The following TTN variants were observed in gnomAD, a reference collection of about 807,000 sequenced individuals.
TTN encodes titin.
In TTN, 1,525 loss-of-function variants were observed where a neutral mutation model predicts 3,223.0. The ratio of observed to expected loss-of-function variants is 0.47; its 90% confidence interval spans 0.45 to 0.49. The LOEUF (loss-of-function observed/expected upper bound fraction) is 0.49, where lower values mean the gene tolerates loss of function less well. TTN is among the 20% of genes least tolerant of loss of function. The pLI, the probability that TTN is intolerant of heterozygous loss-of-function variation, is 0.00. For missense variants in TTN, 40,786 were observed against 43,424.0 expected (o/e 0.94, Z 5.40); for synonymous variants, 14,094 against 15,161.0 (o/e 0.93, Z 5.17).
rs766605515 is a variant in TTN at position 178,757,713 on chromosome 2, G to A, written c.10507C>T (p.Gln3503Ter). The change falls in exon 45 of 363, where the codon CAG becomes TAG. Residue 3503 changes from glutamine to a stop codon, truncating the protein, a stop_gained. Coordinates refer to ENST00000589042, the MANE Select transcript of TTN (RefSeq NM_001267550.2). LOFTEE classifies it high-confidence loss of function. ...ACATCTTTTGTTGGTAGAATTAGCT[G>A]CTGGTTATGAAACCATTGGATTTCT... ...KPEIQWFHNQ[Q>*]LILPTKDVVF... 6.2e-7 allele frequency: 1 copy of A among 1,613,820 alleles called. No homozygotes were observed. The highest frequency in any genetic ancestry group is 1.1e-5 in the South Asian group (1 of 91,074).
chr2:178,766,372 C>T lies in TTN; in HGVS notation c.9703+9G>A. On this transcript the variant is annotated intron_variant, in intron 41 of 362. Transcript: ENST00000589042. ...TCCACAAAATATGCTGAAATCTGTCCCTACATACCATTGACATAGAGAGTG... is the reference window on the plus strand; with the variant it reads ...TCCACAAAATATGCTGAAATCTGTCTCTACATACCATTGACATAGAGAGTG... The T allele has an allele frequency of 6.3e-7, 1 of 1,582,454 alleles. No homozygotes were observed.
Position 178,725,956 on chromosome 2 carries a change from G to A in TTN, c.20366C>T (p.Pro6789Leu), listed in dbSNP as rs1480351925. ...GTCTTTGTACCATACCACCTCAAACGGTGGTGTTCCCGAAAGTTCACATTC... is the reference window on the plus strand; with the variant it reads ...GTCTTTGTACCATACCACCTCAAACAGTGGTGTTCCCGAAAGTTCACATTC... ...SLECELSGTP[P>L]FEVVWYKDKR... The change falls in exon 70 of 363, where the codon CCG becomes CTG. Residue 6789 changes from proline to leucine, a missense_variant. Physicochemically the swap from Pro to Leu is moderately conservative, Grantham distance 98. Transcript: ENST00000589042. The A allele has an allele frequency of 9.3e-6, 15 of 1,612,142 alleles. No homozygotes were observed. The highest frequency in any genetic ancestry group is 1.3e-5 in the Non-Finnish European group (15 of 1,178,972).
chr2:178,678,801 C>G lies in TTN; in HGVS notation c.33772G>C (p.Glu11258Gln). Reference protein sequence around the residue: ...VPEVPKKPVPEEKVPVPVPKK... With the variant: ...VPEVPKKPVPQEKVPVPVPKK... The stretch of plus-strand genomic sequence containing the variant: ...GGAACTGGTACTGGTACTTTCTCCT[C>G]TGGCACAGGTTTCTTGGGCACTTCA... Residue 11258 changes from glutamate (E) to glutamine (Q), a missense_variant, in exon 143 of 363, where the codon GAG becomes CAG. Coordinates refer to ENST00000589042, the MANE Select transcript of TTN (RefSeq NM_001267550.2). 1 of 1,603,574 alleles carries G rather than the reference C, an allele frequency of 6.2e-7. No homozygotes were observed. Among genetic ancestry groups the G allele is most frequent in the Non-Finnish European group, 8.5e-7 (1 of 1,176,486 alleles).
chr2:178,619,760 A>C lies in TTN; in HGVS notation c.46557T>G (p.Val15519=), dbSNP rs727503626. 8 of 1,612,428 alleles carry C rather than the reference A, an allele frequency of 5.0e-6. No individual in the cohort carries two copies. Among genetic ancestry groups the C allele is most frequent in the Non-Finnish European group, 6.8e-6 (8 of 1,178,918 alleles). Residue 15519 remains valine (V), a synonymous_variant, in exon 250 of 363, where the codon GTT becomes GTG. Coordinates refer to ENST00000589042, the MANE Select transcript of TTN (RefSeq NM_001267550.2). The stretch of plus-strand genomic sequence containing the variant: ...TCATCTGGTGTTTATCACCCTGGAC[A>C]ACAACCATGTTATTTCTTAGCCATT... The part of the protein sequence containing the change: ...EVQWLRNNMV[V]VQGDKHQMMS...
intron 199 of TTN, 35 bp downstream of exon 199, chr2:178,653,006 T>A: frequency 6.2e-7 from 1 of 1,609,216 alleles, no homozygotes; most frequent in Admixed American, 1.7e-5. Flanking sequence ...AATGAAGAGT[T>A]CAGTCTTCTG....
chr2:178,620,128 G>C lies in TTN; in HGVS notation c.46305-16C>G, dbSNP rs769993782. 3 of 1,604,184 alleles carry C rather than the reference G, an allele frequency of 1.9e-6. No individual in the cohort carries two copies. In the African/African-American group the frequency reaches 4.0e-5, roughly 22 times the overall value. On this transcript the variant is annotated splice_polypyrimidine_tract_variant and intron_variant, in intron 248 of 362. Coordinates refer to ENST00000589042, the MANE Select transcript of TTN (RefSeq NM_001267550.2). The stretch of plus-strand genomic sequence containing the variant: ...AAATTTGTATCTAAAGGAGACATTG[G>C]ATTATCAGTTAGCTTGCAATGATGG...
chr2:178,734,430 G>A lies in TTN; in HGVS notation c.15394C>T (p.Leu5132=). The change falls in exon 52 of 363, where the codon CTG becomes TTG. Residue 5132 remains leucine (L), a synonymous_variant. Coordinates refer to ENST00000589042, the MANE Select transcript of TTN (RefSeq NM_001267550.2). The part of the protein sequence containing the change: ...RLFSQKSLVC[L]EIFSFNSADV... ...GCACTATTAAACGAAAAGATCTCCAGACACACAAGAGACTTCTGAGAAAAC... is the reference window on the plus strand; with the variant it reads ...GCACTATTAAACGAAAAGATCTCCAAACACACAAGAGACTTCTGAGAAAAC... The A allele has an allele frequency of 6.2e-7, 1 of 1,613,702 alleles. No homozygotes were observed. The highest frequency in any genetic ancestry group is 8.5e-7 in the Non-Finnish European group (1 of 1,179,746).
In TTN at chr2:178,533,945, G is replaced by A. The variant is rs775156032; in HGVS notation, c.102670C>T (p.Leu34224=). The change falls in exon 358 of 363, where the codon CTA becomes TTA. Residue 34224 remains leucine, a synonymous_variant. Coordinates refer to ENST00000589042, the MANE Select transcript of TTN (RefSeq NM_001267550.2). ...ACTTCTCTCACACCTTTAACAAATA[G>A]CTCTGCATAAGAACTGTCTTCACCA... ...DYGEDSSYAE[L]FVKGVREVYD... 1.9e-6 allele frequency: 3 copies of A among 1,613,694 alleles called. No individual in the cohort carries two copies. The highest frequency in any genetic ancestry group is 2.5e-6 in the Non-Finnish European group (3 of 1,179,846).
At position 178,684,956 on chromosome 2, in the gene TTN, T is replaced by C. The variant is rs745736521; in HGVS notation, c.32504A>G (p.Lys10835Arg). The change falls in exon 130 of 363, where the codon AAG (lysine) becomes AGG (arginine). Residue 10835 changes from lysine to arginine, a missense_variant. Coordinates refer to ENST00000589042, the MANE Select transcript of TTN (RefSeq NM_001267550.2). ...TTTAGGAACTGGAGCAGGAACTTTC[T>C]TTTCTGGCACAATTTTCTTAGGTGC... ...PEAPKKIVPE[K>R]KVPAPVPKKE... 3 of 1,608,778 alleles carry C rather than the reference T, an allele frequency of 1.9e-6. No homozygotes were observed. The highest frequency in any genetic ancestry group is 1.7e-5 in the Admixed American group (1 of 59,446).
chr2:178,739,148 T>C lies in TTN; in HGVS notation c.14085A>G (p.Val4695=), dbSNP rs965023092. 5 of 1,509,382 alleles carry C rather than the reference T, an allele frequency of 3.3e-6. No homozygotes were observed. The highest frequency in any genetic ancestry group is 3.5e-6 in the Non-Finnish European group (4 of 1,130,780). 93.5% of individuals were successfully genotyped at this position (1,509,382 alleles called of 1,614,324 possible). Residue 4695 remains valine, a synonymous_variant, in exon 48 of 363, where the codon GTA becomes GTG. Transcript: ENST00000589042. ...TTATCCTTAAAATCCAACCTCTTTT[T>C]ACTACAGTGAGTTTGGCTGAAGTTG... ...KTATSAKLTV[V]KRAAPVIKRK... is the part of the protein sequence containing the mutation.
chr2:178,804,632 T>G lies in TTN; in HGVS notation c.11A>C (p.Gln4Pro), dbSNP rs1203552331. Reference sequence around the variant, plus strand: ...TAACGGCTGCGTAAACGTCGGTGCTTGAGTTGTCATCTTTCTAGGCACTCT... The same window carrying G: ...TAACGGCTGCGTAAACGTCGGTGCTGGAGTTGTCATCTTTCTAGGCACTCT... Reference protein sequence around the residue: MTTQAPTFTQPLQS... With the variant: MTTPAPTFTQPLQS... Residue 4 changes from glutamine to proline, a missense_variant, in exon 2 of 363, where the codon CAA becomes CCA. By Grantham distance (76) the Gln-to-Pro change is moderately conservative (BLOSUM62 -1). Transcript: ENST00000589042. 1.9e-6 allele frequency: 3 copies of G among 1,613,828 alleles called. No homozygotes were observed. Among genetic ancestry groups the G allele is most frequent in the Non-Finnish European group, 1.7e-6 (2 of 1,179,874 alleles).
Position 178,565,294 on chromosome 2 carries a change from G to A in TTN, c.80838C>T (p.Asp26946=). 7 of 1,613,616 alleles carry A rather than the reference G, an allele frequency of 4.3e-6. No homozygotes were observed. Among genetic ancestry groups the A allele is most frequent in the Non-Finnish European group, 5.9e-6 (7 of 1,179,672 alleles). The part of the protein sequence containing the change: ...VLHIKEGNKD[D]FGKYTVTATN... ...TTGCCGTTACGGTGTATTTTCCAAA[G>A]TCATCTTTGTTACCTTCTTTAATGT... The change falls in exon 326 of 363, where the codon GAC becomes GAT. Residue 26946 remains aspartate, a synonymous_variant. Coordinates refer to ENST00000589042, the MANE Select transcript of TTN (RefSeq NM_001267550.2).
Position 178,689,387 on chromosome 2 carries a change from AT to A in TTN, c.31928-15del, listed in dbSNP as rs2071746268. ...GTATTTCTGGCACTTAAAGGATAGTATTGAATTTTAAAATTTGTCAAAAAGG... is the reference window on the plus strand; with the variant it reads ...GTATTTCTGGCACTTAAAGGATAGTATGAATTTTAAAATTTGTCAAAAAGG... On this transcript the variant is annotated splice_polypyrimidine_tract_variant and intron_variant, in intron 123 of 362. Coordinates refer to ENST00000589042, the MANE Select transcript of TTN (RefSeq NM_001267550.2). 6.2e-7 allele frequency: 1 copy of A among 1,613,260 alleles called. No individual in the cohort carries two copies. The highest frequency in any genetic ancestry group is 8.5e-7 in the Non-Finnish European group (1 of 1,179,618).
intron 13 of TTN, among the ~76,000 whole-genome samples, chr2:178,788,359 A>G (rs1342591535): frequency 6.6e-6 from 1 of 152,092 alleles, no homozygotes. Flanking sequence ...TCAATTCATG[A>G]CAAAATTTGA....
At chr2:178,626,023 T>C (rs2058990416) in intron 240 of TTN, among the ~76,000 whole-genome samples, 2 of 151,960 alleles carry the variant, frequency 1.3e-5, no homozygotes, top group South Asian at 4.1e-4. Context: ...TGTGTATATA[T>C]ATGTGTGCCC....
chr2:178,566,700 A>C lies in TTN; in HGVS notation c.79432T>G (p.Tyr26478Asp), dbSNP rs768735283. Residue 26478 changes from tyrosine to aspartate, a missense_variant, in exon 326 of 363, where the codon TAT becomes GAT. Coordinates refer to ENST00000589042, the MANE Select transcript of TTN (RefSeq NM_001267550.2). ...GVGEPSPATV[Y>D]YKACDPVFKP... ...AACACAGGATCACAGGCTTTATAAT[A>C]AACTGTAGCTGGACTTGGTTCCCCA... is the stretch of plus-strand genomic sequence containing the variant. The C allele has an allele frequency of 6.2e-7, 1 of 1,613,398 alleles. No homozygotes were observed. Among genetic ancestry groups the C allele is most frequent in the African/African-American group, 1.3e-5 (1 of 75,016 alleles).
Position 178,773,146 on chromosome 2 carries a change from C to T in TTN, c.7818G>A (p.Ala2606=), listed in dbSNP as rs935809232. The change falls in exon 33 of 363, where the codon GCG becomes GCA. Residue 2606 remains alanine, a synonymous_variant. Transcript: ENST00000589042. ...GTTTTCCAGATGTCATATTTTCTCC[C>T]GCGTAAAATGTGTATTTTCCTTCAT... The part of the protein sequence containing the change: ...KDDEGKYTFY[A]GENMTSGKLT... The T allele has an allele frequency of 2.0e-5, 32 of 1,613,710 alleles. No homozygotes were observed. In the East Asian group the frequency reaches 2.7e-4, roughly 13 times the overall value.
chr2:178,613,484 T>C (rs1312034382), intron 263 of TTN, among the ~76,000 whole-genome samples: 1 of 151,960 alleles, frequency 6.6e-6, no homozygotes. Flanking sequence ...AATTATAATA[T>C]CTATGACAGT....
In TTN at chr2:178,577,701, C is replaced by T. The variant is rs1229308935; in HGVS notation, c.68725G>A (p.Gly22909Ser). Residue 22909 changes from glycine (G) to serine (S), a missense_variant, in exon 323 of 363, where the codon GGT becomes AGT. Gly to Ser is a moderately conservative substitution (Grantham distance 56, BLOSUM62 0). Transcript: ENST00000589042. ...CTAATTCTGAATTCATATTTTCCAC[C>T]CTCAACAAGGTCAGTTACAGTAAAG... ...CAFTVTDLVE[G>S]GKYEFRIRAK... 1 of 1,613,142 alleles carries T rather than the reference C, an allele frequency of 6.2e-7. No homozygotes were observed. The highest frequency in any genetic ancestry group is 2.2e-5 in the East Asian group (1 of 44,746).
Sources: gnomAD v4.1 joint callset for allele counts (sites outside exome capture counted in the v4.1 genomes callset) on GRCh38, gnomAD v4.1.1 for gene constraint, MANE v1.5 for transcripts, NCBI Gene and HGNC (gene_info 2026-07-23, HGNC 2026-07-21) for gene names.